Variants in CDH13 observed in about 807,000 individuals in gnomAD.
The protein encoded by CDH13 is cadherin-13.
Under a neutral mutation model 63.8 loss-of-function variants are expected in CDH13, and 24 were observed. The ratio of observed to expected loss-of-function variants is 0.38; its 90% CI spans 0.27 to 0.53. The LOEUF is 0.53. CDH13 is among the 20% of genes least tolerant of loss of function. The pLI is 0.85. For synonymous variants in CDH13, 503 were observed against 355.3 expected, an observed-to-expected ratio of 1.42 and a Z score of -4.67; for missense variants, 1,049 against 903.1, an observed-to-expected ratio of 1.16 and a Z score of -2.07.
At chr16:83,218,601 T>A (rs2039607621) in intron 5 of CDH13, among the ~76,000 whole-genome samples, 1 of 152,164 alleles carries the variant, frequency 6.6e-6, no homozygotes, top group South Asian at 2.1e-4. Flanking sequence ...AGCAGCAGAC[T>A]ATGGATAGAT....
intron 8 of CDH13, among the ~76,000 whole-genome samples, chr16:83,665,698 C>G (rs1300771082): frequency 6.6e-6 from 1 of 152,172 alleles, no homozygotes; most frequent in Non-Finnish European, 1.5e-5. Context: ...GTCAAACATG[C>G]AACTAGTCAA....
chr16:82,627,970 C>G (rs1331834293), intron 1 of CDH13, among the ~76,000 whole-genome samples: 1 of 152,256 alleles, frequency 6.6e-6, no homozygotes, highest in Admixed American at 6.5e-5. Context: ...TGTTAACCCT[C>G]AGAGCGCCAC....
chr16:83,582,278 A>G (rs1473672615), intron 7 of CDH13, among the ~76,000 whole-genome samples: 1 of 152,030 alleles, frequency 6.6e-6, no homozygotes, highest in African/African-American at 2.4e-5. Flanking sequence ...CACTTGGCTT[A>G]ATCCTTTTTT....
intron 4 of CDH13, among the ~76,000 whole-genome samples, chr16:83,201,448 T>A (rs1293030650): frequency 6.6e-6 from 1 of 151,674 alleles, no homozygotes; most frequent in Non-Finnish European, 1.5e-5. Context: ...GAGATGAGTA[T>A]AAATTGAGAT....
intron 2 of CDH13, among the ~76,000 whole-genome samples, chr16:82,946,236 A>G (rs1035237934): frequency 2.6e-5 from 4 of 151,614 alleles, no homozygotes; most frequent in African/African-American, 9.7e-5. Context: ...GGAGGGAGGG[A>G]GGAAGAGAGG....
intron 10 of CDH13, among the ~76,000 whole-genome samples, chr16:83,704,583 C>T (rs1240112300): frequency 6.6e-6 from 1 of 152,180 alleles, no homozygotes; most frequent in East Asian, 1.9e-4. Context: ...GCCACAGGCT[C>T]CAATGCCAGG....
At chr16:83,155,867 T>A (rs970054099) in intron 4 of CDH13, among the ~76,000 whole-genome samples, 1 of 152,180 alleles carries the variant, frequency 6.6e-6, no homozygotes, top group African/African-American at 2.4e-5. Context: ...CATTTTAGAA[T>A]CACTTGAGCT....
At chr16:83,120,063 G>T (rs542967286) in intron 3 of CDH13, among the ~76,000 whole-genome samples, 18 of 151,842 alleles carry the variant, frequency 1.2e-4, no homozygotes, top group Non-Finnish European at 2.1e-4. Context: ...GATGCCCACC[G>T]TGACGGGCCC....
At chr16:83,102,694 T>A (rs552008154) in intron 3 of CDH13, among the ~76,000 whole-genome samples, 40 of 152,052 alleles carry the variant, frequency 2.6e-4, no homozygotes, top group African/African-American at 9.7e-4. Context: ...AGTCAGGAGA[T>A]GTGGAGCAGT....
intron 1 of CDH13, among the ~76,000 whole-genome samples, chr16:82,771,848 C>T (rs1175749246): frequency 2.6e-5 from 4 of 152,218 alleles, no homozygotes; most frequent in Non-Finnish European, 5.9e-5. Flanking sequence ...TAACTTTGGC[C>T]TCATCTTCCA....
chr16:83,328,049 C>T (rs1056012340), intron 5 of CDH13, among the ~76,000 whole-genome samples: 4 of 150,848 alleles, frequency 2.7e-5, no homozygotes, highest in East Asian at 2.0e-4. Flanking sequence ...AGGAGAATGG[C>T]GTGGACCCAG....
chr16:82,701,954 T>C (rs973753483), intron 1 of CDH13, among the ~76,000 whole-genome samples: 4 of 152,050 alleles, frequency 2.6e-5, no homozygotes, highest in African/African-American at 7.2e-5. Context: ...CCCGAGGAAA[T>C]TGGAGGGCTG....
intron 3 of CDH13, among the ~76,000 whole-genome samples, chr16:83,122,753 C>G (rs558995079): frequency 6.6e-6 from 1 of 152,054 alleles, no homozygotes; most frequent in Non-Finnish European, 1.5e-5. Context: ...ATCTATTACC[C>G]TAGATAAAAA....
intron 1 of CDH13, chr16:82,823,492 A>G (rs1420839675): frequency 1.3e-5 from 2 of 152,230 alleles, no homozygotes; most frequent in African/African-American, 4.8e-5. Context: ...CAAAAGTCAG[A>G]GAAACAATTG....
chr16:83,148,529 G>C (rs911338216), intron 4 of CDH13, among the ~76,000 whole-genome samples: 3 of 152,222 alleles, frequency 2.0e-5, no homozygotes, highest in Non-Finnish European at 4.4e-5. Flanking sequence ...TAATGCCTCT[G>C]TGCCTCATTT....
At chr16:82,760,493 T>G (rs2034792954) in intron 1 of CDH13, among the ~76,000 whole-genome samples, 1 of 152,226 alleles carries the variant, frequency 6.6e-6, no homozygotes, top group Admixed American at 6.5e-5. Flanking sequence ...TTACAACACC[T>G]TACTTTAGGA....
chr16:83,441,112 A>T (rs1249771381), intron 6 of CDH13, among the ~76,000 whole-genome samples: 1 of 152,220 alleles, frequency 6.6e-6, no homozygotes, highest in Non-Finnish European at 1.5e-5. Flanking sequence ...TAAAAATGAA[A>T]TGTTTTGAAT....
intron 6 of CDH13, chr16:83,383,181 C>G (rs1597882235): frequency 6.6e-6 from 1 of 152,110 alleles, no homozygotes; most frequent in African/African-American, 2.4e-5. Context: ...TTCCTCGGGA[C>G]CAGTTTCAGG....
At chr16:82,956,720 T>C (rs1345499048) in intron 2 of CDH13, among the ~76,000 whole-genome samples, 1 of 152,212 alleles carries the variant, frequency 6.6e-6, no homozygotes, top group Non-Finnish European at 1.5e-5. Context: ...TCTCTTACTA[T>C]CCCTAGAATG....
Sources: allele counts gnomAD v4.1 joint callset (sites outside exome capture counted in the v4.1 genomes callset), GRCh38; gene constraint gnomAD v4.1.1; transcripts MANE v1.5; gene names NCBI Gene and HGNC (gene_info 2026-07-23, HGNC 2026-07-21).